The following RYR2 variants were observed in gnomAD, a reference collection of about 807,000 sequenced individuals.
The protein encoded by RYR2 is ryanodine receptor 2.
RYR2 carries 227 observed loss-of-function variants against 601.1 expected under a neutral mutation model. The ratio of observed to expected loss-of-function variants is 0.38; its 90% confidence interval spans 0.34 to 0.42. The LOEUF (loss-of-function observed/expected upper bound fraction) is 0.42, where lower values mean the gene tolerates loss of function less well. RYR2 is among the 10% of genes least tolerant of loss of function. The pLI, the probability that RYR2 is intolerant of heterozygous loss-of-function variation, is 1.00. For synonymous variants in RYR2, 2,223 were observed against 2,175.1 expected (o/e 1.02, Z -0.61); for missense variants, 4,646 against 6,156.5 (o/e 0.75, Z 8.21).
intron 1 of RYR2, among the ~76,000 whole-genome samples, chr1:237,209,497 A>ATGTGTGTGTGTGTGTGTG (rs55861841): frequency 0.022 from 3,195 of 143,306 alleles, 69 homozygotes; most frequent in Middle Eastern, 0.039. Flanking sequence ...ATCTGCATAT[A>ATGTGTGTGTGTGTGTGTG]TGTGTGTGTG....
chr1:237,049,617 T>C (rs749774249), intron 1 of RYR2, among the ~76,000 whole-genome samples: 6 of 152,142 alleles, frequency 3.9e-5, no homozygotes, highest in Non-Finnish European at 8.8e-5. Context: ...CTGGGGTCCC[T>C]GGAAATCCTC....
chr1:237,046,641 G>A (rs1660644335), intron 1 of RYR2, among the ~76,000 whole-genome samples: 2 of 152,150 alleles, frequency 1.3e-5, no homozygotes, highest in Admixed American at 1.3e-4. Flanking sequence ...AACGCTTAGG[G>A]CACTAATTTA....
chr1:237,248,580 T>G (rs1313682953), intron 1 of RYR2, among the ~76,000 whole-genome samples: 1 of 151,998 alleles, frequency 6.6e-6, no homozygotes, highest in Non-Finnish European at 1.5e-5. Flanking sequence ...GATGTTTTAA[T>G]GTAACTGGGT....
At chr1:237,590,269 G>C (rs1238122661) in intron 30 of RYR2, among the ~76,000 whole-genome samples, 1 of 151,174 alleles carries the variant, frequency 6.6e-6, no homozygotes, top group Non-Finnish European at 1.5e-5. Context: ...TCTGGGGTTT[G>C]TGCGCATCAA....
At chr1:237,280,199 A>G (rs993233688) in intron 2 of RYR2, among the ~76,000 whole-genome samples, 1 of 152,212 alleles carries the variant, frequency 6.6e-6, no homozygotes, top group African/African-American at 2.4e-5. Flanking sequence ...TTCTTATTCA[A>G]GTGAGAATTT....
chr1:237,213,189 T>A (rs1682783036), intron 1 of RYR2, among the ~76,000 whole-genome samples: 1 of 150,966 alleles, frequency 6.6e-6, no homozygotes, highest in Non-Finnish European at 1.5e-5. Context: ...TTTAAATATT[T>A]TTTTTTGACA....
At chr1:237,674,940 T>A in intron 60 of RYR2, 94 bp downstream of exon 60, 1 of 655,970 alleles carries the variant, frequency 1.5e-6, no homozygotes, top group East Asian at 2.8e-5. Context: ...TGCTGAGCTA[T>A]TTGTGATGGT....
chr1:237,408,330 A>G (rs1330379323), intron 10 of RYR2, among the ~76,000 whole-genome samples: 1 of 148,684 alleles, frequency 6.7e-6, no homozygotes, highest in Non-Finnish European at 1.5e-5. Flanking sequence ...TCTCCATTGT[A>G]TTAGGTCTGT....
intron 14 of RYR2, among the ~76,000 whole-genome samples, chr1:237,446,656 T>C (rs1342667155): frequency 6.6e-6 from 1 of 152,158 alleles, no homozygotes; most frequent in African/African-American, 2.4e-5. Flanking sequence ...ACTGTGTGTA[T>C]ATGTGTGTGT....
At chr1:237,753,525 G>A (rs903757022) in intron 80 of RYR2, among the ~76,000 whole-genome samples, 14 of 152,086 alleles carry the variant, frequency 9.2e-5, no homozygotes, top group African/African-American at 1.7e-4. Flanking sequence ...GACCATATTC[G>A]ACCTTGGAAA....
chr1:237,139,921 A>G (rs1673201795), intron 1 of RYR2, among the ~76,000 whole-genome samples: 1 of 152,252 alleles, frequency 6.6e-6, no homozygotes, highest in Non-Finnish European at 1.5e-5. Flanking sequence ...ACGTGTGTGC[A>G]GAGATGCAGG....
At chr1:237,354,040 T>G (rs1699086842) in intron 3 of RYR2, among the ~76,000 whole-genome samples, 1 of 152,210 alleles carries the variant, frequency 6.6e-6, no homozygotes, top group Admixed American at 6.5e-5. Flanking sequence ...CTGCATTGCT[T>G]ATGCATAATT....
In RYR2 at chr1:237,229,067, G is replaced by A. The variant is rs115977538; in HGVS notation, c.49-41430G>A. 3.9e-3 allele frequency among the ~76,000 whole-genome samples: 598 copies of A among 152,186 alleles called. 4 individuals carry two copies. Among genetic ancestry groups the A allele is most frequent in the African/African-American group, 0.014 (571 of 41,504 alleles). ...AGGCCTGTGGTGGAGCTCCTTTCCC[G>A]TGGTCTCACACTAAATGGGGAGAGA... On this transcript the variant is annotated intron_variant, in intron 1 of 104. Transcript: ENST00000366574.
chr1:237,471,988 C>G (rs1006684216), intron 17 of RYR2, among the ~76,000 whole-genome samples: 1 of 152,202 alleles, frequency 6.6e-6, no homozygotes, highest in South Asian at 2.1e-4. Context: ...ACTCAGCTCC[C>G]TAGCATCAGA....
rs1185074040 is a variant in RYR2 at position 237,548,474 on chromosome 1, A to G, written c.2950A>G (p.Ser984Gly). 1 of 1,613,972 alleles carries G rather than the reference A, an allele frequency of 6.2e-7. No individual in the cohort carries two copies. The highest frequency in any genetic ancestry group is 2.2e-5 in the East Asian group (1 of 44,882). Reference sequence around the variant, plus strand: ...ATACAAGCCTGCCCCTATGGACCTGAGCTTTATCAAACTCACCCCATCACA... The same window carrying G: ...ATACAAGCCTGCCCCTATGGACCTGGGCTTTATCAAACTCACCCCATCACA... The part of the protein sequence containing the change: ...SGYKPAPMDL[S>G]FIKLTPSQEA... Residue 984 changes from serine to glycine, a missense_variant, in exon 26 of 105, where the codon AGC (serine) becomes GGC (glycine). This residue lies in a region of RYR2 where 1,807 missense variants were observed against 2,088.1 expected (regional missense o/e 0.87). Transcript: ENST00000366574.
At chr1:237,287,200 C>A in intron 2 of RYR2, among the ~76,000 whole-genome samples, 1 of 152,140 alleles carries the variant, frequency 6.6e-6, no homozygotes, top group Non-Finnish European at 1.5e-5. Context: ...ATAGGTTTTC[C>A]TTTATAGGCT....
intron 30 of RYR2, 82 bp from the exon 31 acceptor site, chr1:237,590,558 C>T (rs1675038882): frequency 1.5e-5 from 17 of 1,164,266 alleles, no homozygotes; most frequent in South Asian, 1.4e-4. Flanking sequence ...ATTCTGAAAA[C>T]GTGATGTGCC....
At chr1:237,435,156 T>C (rs1707216120) in intron 12 of RYR2, among the ~76,000 whole-genome samples, 1 of 152,234 alleles carries the variant, frequency 6.6e-6, no homozygotes, top group Admixed American at 6.5e-5. Flanking sequence ...TTTCAGATGT[T>C]TTAAAATGTA....
chr1:237,805,404 C>T (rs1441690469), intron 98 of RYR2, among the ~76,000 whole-genome samples: 1 of 151,734 alleles, frequency 6.6e-6, no homozygotes, highest in Non-Finnish European at 1.5e-5. Context: ...CACAGTGAAA[C>T]CCCGTCTCTA....
Sources: allele counts gnomAD v4.1 joint callset (sites outside exome capture counted in the v4.1 genomes callset), GRCh38; gene constraint gnomAD v4.1.1; regional missense constraint gnomAD v4.1.1; transcripts MANE v1.5; gene names NCBI Gene and HGNC (gene_info 2026-07-23, HGNC 2026-07-21).